NCKAP5: variants seen among roughly 807,000 people sequenced by gnomAD.
NCKAP5 encodes the protein NCK associated protein 5.
In NCKAP5, 92 loss-of-function variants were observed where a neutral mutation model predicts 167.0. The observed-to-expected ratio is 0.55, with a 90% CI of 0.47 to 0.66. The LOEUF (loss-of-function observed/expected upper bound fraction) is 0.66, where lower values mean the gene tolerates loss of function less well. NCKAP5 is among the 30% of genes least tolerant of loss of function. NCKAP5 has a pLI of 0.00. For synonymous variants in NCKAP5, 891 were observed against 877.4 expected, an observed-to-expected ratio of 1.02 and a Z score of -0.27; for missense variants, 2,378 against 2,315.0, an observed-to-expected ratio of 1.03 and a Z score of -0.56.
intron 3 of NCKAP5, among the ~76,000 whole-genome samples, chr2:133,405,761 C>T (rs958516579): frequency 6.6e-6 from 1 of 152,202 alleles, no homozygotes; most frequent in Non-Finnish European, 1.5e-5. Context: ...TAGTCCATGT[C>T]CAGCTCACTT....
At chr2:133,548,467 G>A (rs917987697) in intron 2 of NCKAP5, among the ~76,000 whole-genome samples, 1 of 151,012 alleles carries the variant, frequency 6.6e-6, no homozygotes, top group African/African-American at 2.4e-5. Flanking sequence ...AATGTTAAGG[G>A]CAGCCAGAGA....
intron 3 of NCKAP5, among the ~76,000 whole-genome samples, chr2:133,309,789 T>C (rs1162709001): frequency 6.6e-6 from 1 of 152,230 alleles, no homozygotes; most frequent in Admixed American, 6.5e-5. Flanking sequence ...CCATTATAAA[T>C]GAATTCTAAT....
intron 15 of NCKAP5, 51 bp downstream of exon 15, chr2:132,781,001 C>T: frequency 6.4e-7 from 1 of 1,570,858 alleles, no homozygotes; most frequent in East Asian, 2.3e-5. Context: ...AAGACCCCAG[C>T]CAGAACATCT....
At chr2:133,239,688 A>G (rs1479520251) in intron 4 of NCKAP5, among the ~76,000 whole-genome samples, 2 of 152,224 alleles carry the variant, frequency 1.3e-5, no homozygotes, top group Non-Finnish European at 2.9e-5. Context: ...TATGTGCTAA[A>G]TTCTAAAGAG....
At chr2:133,515,890 C>T (rs190521976) in intron 3 of NCKAP5, among the ~76,000 whole-genome samples, 7 of 152,358 alleles carry the variant, frequency 4.6e-5, no homozygotes. Flanking sequence ...CAAAATTCTG[C>T]TCATCGGTTT....
chr2:133,023,432 A>G (rs2078595263), intron 6 of NCKAP5, among the ~76,000 whole-genome samples: 1 of 152,148 alleles, frequency 6.6e-6, no homozygotes, highest in South Asian at 2.1e-4. Context: ...GTTGCAAATT[A>G]TCTTTATTGA....
chr2:132,707,024 A>C (rs1688425947), intron 19 of NCKAP5, among the ~76,000 whole-genome samples: 1 of 152,234 alleles, frequency 6.6e-6, no homozygotes, highest in Admixed American at 6.5e-5. Flanking sequence ...TTGAACAATA[A>C]TCCACACAAA....
At chr2:133,056,054 T>C (rs922310753) in intron 6 of NCKAP5, among the ~76,000 whole-genome samples, 1 of 152,188 alleles carries the variant, frequency 6.6e-6, no homozygotes, top group Non-Finnish European at 1.5e-5. Flanking sequence ...CTCCCTACTT[T>C]CCTCAACATT....
At chr2:133,053,536 CTT>C in intron 6 of NCKAP5, among the ~76,000 whole-genome samples, 1 of 152,196 alleles carries the variant, frequency 6.6e-6, no homozygotes. Flanking sequence ...AATTGTATGA[CTT>C]TGTAAAGCGA....
chr2:133,319,555 C>T (rs1681883167), intron 3 of NCKAP5, among the ~76,000 whole-genome samples: 1 of 152,010 alleles, frequency 6.6e-6, no homozygotes, highest in African/African-American at 2.4e-5. Flanking sequence ...ACACCTGGAC[C>T]ATGTAAGAAT....
intron 8 of NCKAP5, among the ~76,000 whole-genome samples, chr2:132,953,315 A>G (rs1416675334): frequency 1.3e-5 from 2 of 152,186 alleles, no homozygotes; most frequent in African/African-American, 2.4e-5. Flanking sequence ...GAGAACTGGC[A>G]TAAAGCCTCA....
rs548983138 is a variant in NCKAP5, at chr2:133,317,089, CCTT to C, written c.70-13982_70-13980del. ...ATAAAGGATGGAGCGCCTGAAGAGA[CCTT>C]CTCAGACCTAGTATTTTGCACATGC... On this transcript the variant is annotated intron_variant, in intron 3 of 19. Transcript: ENST00000409261. Among the ~76,000 whole-genome samples, 350 of 152,266 alleles carry C rather than the reference CCTT, an allele frequency of 2.3e-3. 1 individual carries two copies. The highest frequency in any genetic ancestry group is 4.3e-3 in the Non-Finnish European group (291 of 68,034).
the NCKAP5 span, among the ~76,000 whole-genome samples, chr2:133,637,494 A>AC: frequency 6.7e-6 from 1 of 149,180 alleles, no homozygotes; most frequent in Admixed American, 6.7e-5. Flanking sequence ...AAAAAAAAAA[A>AC]AAAAAACCCA....
intron 3 of NCKAP5, among the ~76,000 whole-genome samples, chr2:133,443,986 G>T (rs1027824019): frequency 6.6e-6 from 1 of 152,170 alleles, no homozygotes; most frequent in Non-Finnish European, 1.5e-5. Flanking sequence ...AAAAACAAGT[G>T]TATGCTTTTG....
chr2:133,206,917 C>T (rs552687953), intron 5 of NCKAP5, among the ~76,000 whole-genome samples: 9 of 152,196 alleles, frequency 5.9e-5, no homozygotes, highest in East Asian at 1.9e-4. Context: ...TCCTGCAGTA[C>T]GCTCACACTT....
At chr2:132,971,287 G>A (rs768937355) in intron 7 of NCKAP5, among the ~76,000 whole-genome samples, 65 of 152,288 alleles carry the variant, frequency 4.3e-4, no homozygotes, top group African/African-American at 6.5e-4. Context: ...GGTGAGATCC[G>A]AGGGCACAGT....
chr2:132,723,596 T>C (rs932082056), intron 19 of NCKAP5, among the ~76,000 whole-genome samples: 4 of 152,290 alleles, frequency 2.6e-5, no homozygotes, highest in South Asian at 4.1e-4. Context: ...ATGGCCCAAA[T>C]GAGAACTCTT....
At chr2:132,706,089 A>G (rs1028450007) in intron 19 of NCKAP5, among the ~76,000 whole-genome samples, 1 of 152,208 alleles carries the variant, frequency 6.6e-6, no homozygotes, top group African/African-American at 2.4e-5. Context: ...TACATTACAC[A>G]CACACACATA....
chr2:132,708,769 T>G (rs1001964896), intron 19 of NCKAP5, among the ~76,000 whole-genome samples: 1 of 152,222 alleles, frequency 6.6e-6, no homozygotes, highest in Non-Finnish European at 1.5e-5. Flanking sequence ...TTCTATTATA[T>G]TGTTGTCTTC....
Sources: gnomAD v4.1 joint callset for allele counts (sites outside exome capture counted in the v4.1 genomes callset) on GRCh38, gnomAD v4.1.1 for gene constraint, MANE v1.5 for transcripts, NCBI Gene and HGNC (gene_info 2026-07-23, HGNC 2026-07-21) for gene names.